The following KIF16B variants were observed in gnomAD, a reference collection of about 807,000 sequenced individuals.
KIF16B encodes kinesin family member 16B.
In KIF16B, 98 loss-of-function variants were observed where a neutral mutation model predicts 156.3. That is an observed-to-expected ratio of 0.63 (90% CI 0.53 to 0.74). The LOEUF (loss-of-function observed/expected upper bound fraction) is 0.74, where lower values mean the gene tolerates loss of function less well. Among genes scored for constraint, KIF16B ranks in the 30% least tolerant of loss-of-function variants. KIF16B has a pLI of 0.00. For synonymous variants in KIF16B, 564 were observed against 583.7 expected (o/e 0.97, Z 0.49); for missense variants, 1,421 against 1,606.5 (o/e 0.88, Z 1.97).
At chr20:16,525,628 G>T (rs533513816) in intron 3 of KIF16B, among the ~76,000 whole-genome samples, 3 of 152,282 alleles carry the variant, frequency 2.0e-5, no homozygotes, top group African/African-American at 7.2e-5. Context: ...CTGAATGAAC[G>T]TTCTTTCTTT....
At chr20:16,389,809 C>T in intron 17 of KIF16B, among the ~76,000 whole-genome samples, 1 of 152,142 alleles carries the variant, frequency 6.6e-6, no homozygotes, top group East Asian at 1.9e-4. Flanking sequence ...AAAGAAGAAC[C>T]CAGCCATCCA....
chr20:16,524,732 T>C (rs1568641854), intron 3 of KIF16B, among the ~76,000 whole-genome samples: 4 of 152,156 alleles, frequency 2.6e-5, no homozygotes, highest in Admixed American at 1.3e-4. Flanking sequence ...CACACGTATG[T>C]TTATTGCAGC....
chr20:16,432,001 C>T (rs1030806669), intron 12 of KIF16B, among the ~76,000 whole-genome samples: 1 of 151,644 alleles, frequency 6.6e-6, no homozygotes, highest in African/African-American at 2.4e-5. Context: ...TCATGTCCCA[C>T]TCATCAATTA....
intron 1 of KIF16B, among the ~76,000 whole-genome samples, chr20:16,556,319 G>A (rs1049820279): frequency 5.9e-5 from 9 of 152,120 alleles, no homozygotes; most frequent in South Asian, 2.1e-4. Flanking sequence ...TTCTCACACC[G>A]CTCTGCCATG....
At position 16,380,037 on chromosome 20, in the gene KIF16B, C is replaced by T; in HGVS notation, c.1965G>A (p.Glu655=). ...GGAAGCTGCGGCGTTTGAGGCTCTCCTCCTGCTTGCGAATCTGGAGCTGCA... is the reference window on the plus strand; with the variant it reads ...GGAAGCTGCGGCGTTTGAGGCTCTCTTCCTGCTTGCGAATCTGGAGCTGCA... ...EIVQLQIRKQ[E]ESLKRRSFHI... The change falls in exon 19 of 26, where the codon GAG becomes GAA. Residue 655 remains glutamate, a synonymous_variant. Coordinates refer to ENST00000354981, the MANE Select transcript of KIF16B (RefSeq NM_024704.5). The T allele has an allele frequency of 6.3e-7, 1 of 1,582,706 alleles. No homozygotes were observed. Among genetic ancestry groups the T allele is most frequent in the Non-Finnish European group, 8.6e-7 (1 of 1,167,592 alleles).
At chr20:16,423,537 TG>T (rs2066277138) in intron 15 of KIF16B, among the ~76,000 whole-genome samples, 1 of 152,144 alleles carries the variant, frequency 6.6e-6, no homozygotes, top group South Asian at 2.1e-4. Flanking sequence ...GTTCTACTCA[TG>T]TATTAATAAT....
chr20:16,349,194 G>A (rs184632154), intron 23 of KIF16B, among the ~76,000 whole-genome samples: 133 of 152,342 alleles, frequency 8.7e-4, no homozygotes, highest in Non-Finnish European at 1.6e-3. Flanking sequence ...ACGAAAGGCT[G>A]AGATGACAGA....
At chr20:16,345,492 TA>T (rs1181146757) in intron 23 of KIF16B, among the ~76,000 whole-genome samples, 1 of 152,234 alleles carries the variant, frequency 6.6e-6, no homozygotes, top group Non-Finnish European at 1.5e-5. Context: ...TGTAACTGTT[TA>T]AAGGTTTTAG....
At chr20:16,392,580 C>T (rs1568928393) in intron 17 of KIF16B, among the ~76,000 whole-genome samples, 1 of 152,196 alleles carries the variant, frequency 6.6e-6, no homozygotes, top group Non-Finnish European at 1.5e-5. Flanking sequence ...CACATGTGTA[C>T]GCCTCTGAGA....
intron 17 of KIF16B, among the ~76,000 whole-genome samples, chr20:16,398,869 G>A (rs561075813): frequency 6.6e-6 from 1 of 152,296 alleles, no homozygotes; most frequent in East Asian, 1.9e-4. Context: ...CTAGGCAGAA[G>A]CCAGCATGAG....
chr20:16,414,953 C>T (rs2066050794), intron 15 of KIF16B, among the ~76,000 whole-genome samples: 1 of 152,026 alleles, frequency 6.6e-6, no homozygotes, highest in South Asian at 2.1e-4. Context: ...ATGATTTTGC[C>T]CAGTGTTCTG....
At chr20:16,476,362 T>A (rs1452440480) in intron 12 of KIF16B, among the ~76,000 whole-genome samples, 1 of 152,250 alleles carries the variant, frequency 6.6e-6, no homozygotes, top group Non-Finnish European at 1.5e-5. Flanking sequence ...AAGACACATT[T>A]GTTTTGTTAA....
chr20:16,433,052 C>T (rs78569780), intron 12 of KIF16B, among the ~76,000 whole-genome samples: 4,627 of 152,214 alleles, frequency 0.03, 95 homozygotes, highest in Non-Finnish European at 0.046. Flanking sequence ...TCCTACCTCT[C>T]GGATATTAGC....
At chr20:16,401,779 C>G (rs968646881) in intron 17 of KIF16B, among the ~76,000 whole-genome samples, 1 of 152,192 alleles carries the variant, frequency 6.6e-6, no homozygotes, top group African/African-American at 2.4e-5. Context: ...TTCCTTGATT[C>G]TACTTTGCTC....
chr20:16,573,166 G>T, intron 1 of KIF16B, 63 bp downstream of exon 1: 1 of 1,471,064 alleles, frequency 6.8e-7, no homozygotes, highest in Non-Finnish European at 9.3e-7. Flanking sequence ...TGGGGGAGCT[G>T]GAAACAGGCT....
intron 12 of KIF16B, among the ~76,000 whole-genome samples, chr20:16,485,642 C>T (rs73241916): frequency 1.3e-5 from 2 of 152,196 alleles, no homozygotes; most frequent in African/African-American, 4.8e-5. Context: ...CAAACAACTT[C>T]TGCAGTAATG....
intron 12 of KIF16B, among the ~76,000 whole-genome samples, chr20:16,491,996 C>A (rs1281531178): frequency 6.6e-6 from 1 of 152,198 alleles, no homozygotes; most frequent in East Asian, 1.9e-4. Flanking sequence ...CTTCTCCCCA[C>A]CCACTGACTT....
chr20:16,519,395 C>T (rs966541273), intron 3 of KIF16B, among the ~76,000 whole-genome samples: 3 of 152,172 alleles, frequency 2.0e-5, no homozygotes, highest in Non-Finnish European at 2.9e-5. Context: ...ACTACAAGTG[C>T]GCAACACTGC....
chr20:16,297,757 C>T (rs1239680120), intron 25 of KIF16B, among the ~76,000 whole-genome samples: 1 of 151,202 alleles, frequency 6.6e-6, no homozygotes, highest in East Asian at 1.9e-4. Flanking sequence ...CCAATTTCAT[C>T]ACTGGTCCCC....
Sources: allele counts gnomAD v4.1 joint callset (sites outside exome capture counted in the v4.1 genomes callset), GRCh38; gene constraint gnomAD v4.1.1; transcripts MANE v1.5; gene names NCBI Gene and HGNC (gene_info 2026-07-23, HGNC 2026-07-21).